Variants in DGKB observed in about 807,000 individuals in gnomAD.
The protein encoded by DGKB is 90 kDa diacylglycerol kinase.
DGKB carries 67 observed loss-of-function variants against 114.3 expected under a neutral mutation model. The observed-to-expected ratio is 0.59, with a 90% confidence interval of 0.48 to 0.72. The LOEUF is 0.72. DGKB is among the 30% of genes least tolerant of loss of function. DGKB has a pLI of 0.00. For missense variants in DGKB, 907 were observed against 975.2 expected, an observed-to-expected ratio of 0.93 and a Z score of 0.93; for synonymous variants, 398 against 323.1, an observed-to-expected ratio of 1.23 and a Z score of -2.49.
intron 23 of DGKB, among the ~76,000 whole-genome samples, chr7:14,206,744 G>T (rs1786889450): frequency 6.6e-6 from 1 of 152,000 alleles, no homozygotes; most frequent in African/African-American, 2.4e-5. Context: ...TTGCTGCAAA[G>T]ATCAAATCAA....
Position 14,694,206 on chromosome 7 carries a change from G to T in DGKB, c.592-12C>A. The T allele has an allele frequency of 1.3e-6, 2 of 1,554,552 alleles. No homozygotes were observed. The highest frequency in any genetic ancestry group is 1.7e-6 in the Non-Finnish European group (2 of 1,148,940). On this transcript the variant is annotated splice_polypyrimidine_tract_variant and intron_variant, in intron 8 of 25. Coordinates refer to ENST00000402815, the MANE Select transcript of DGKB (RefSeq NM_001350709.2). ...ATTTCATGGAGGATCTGGAGTAGAG[G>T]AGATAAGGGAAAATTGGTGGTCAAC...
rs554935438 is a variant in DGKB at position 14,705,409 on chromosome 7, G to T, written c.467-3679C>A. Among the ~76,000 whole-genome samples, 687 of 151,098 alleles carry T rather than the reference G, an allele frequency of 4.5e-3. 1 individual carries two copies. Among genetic ancestry groups the T allele is most frequent in the African/African-American group, 0.016 (640 of 41,166 alleles). ...AAAACACTCTGCAGGATATTATCCAGGAGAACTTCCCCAATCTAGCAAGGC... is the reference window on the plus strand; with the variant it reads ...AAAACACTCTGCAGGATATTATCCATGAGAACTTCCCCAATCTAGCAAGGC... On this transcript the variant is annotated intron_variant, in intron 6 of 25. Transcript: ENST00000402815.
chr7:14,244,385 G>T (rs148964894), intron 23 of DGKB, among the ~76,000 whole-genome samples: 8 of 152,164 alleles, frequency 5.3e-5, no homozygotes, highest in African/African-American at 1.9e-4. Flanking sequence ...GGCCGGGCGC[G>T]GTGGCTCACG....
At chr7:14,288,246 T>G (rs1402885060) in intron 23 of DGKB, among the ~76,000 whole-genome samples, 4 of 140,518 alleles carry the variant, frequency 2.8e-5, no homozygotes, top group East Asian at 2.0e-4. Flanking sequence ...TTTTTTTTTT[T>G]GTTAAAAGAA....
chr7:14,956,964 T>C (rs1448935055), intron 1 of DGKB, among the ~76,000 whole-genome samples: 1 of 151,760 alleles, frequency 6.6e-6, no homozygotes, highest in Non-Finnish European at 1.5e-5. Flanking sequence ...CCTTCACATA[T>C]CCATTGCAGA....
intron 21 of DGKB, among the ~76,000 whole-genome samples, chr7:14,367,897 T>C (rs1192994647): frequency 2.0e-5 from 3 of 152,026 alleles, no homozygotes; most frequent in Non-Finnish European, 4.4e-5. Flanking sequence ...ACCACCAGCA[T>C]GATCCATTCA....
chr7:14,952,921 C>T (rs1251724215), intron 1 of DGKB, among the ~76,000 whole-genome samples: 1 of 151,976 alleles, frequency 6.6e-6, no homozygotes, highest in Non-Finnish European at 1.5e-5. Context: ...ATCACATTTA[C>T]AATTTGTTTC....
intron 21 of DGKB, among the ~76,000 whole-genome samples, chr7:14,453,406 C>T (rs561320450): frequency 6.6e-6 from 1 of 152,224 alleles, no homozygotes; most frequent in East Asian, 1.9e-4. Context: ...TCCAGAGTCT[C>T]TATTCCATGC....
intron 25 of DGKB, among the ~76,000 whole-genome samples, chr7:14,159,893 A>T (rs1171371349): frequency 2.6e-5 from 4 of 152,088 alleles, no homozygotes; most frequent in Non-Finnish European, 5.9e-5. Context: ...GCCATTCTCA[A>T]ACTCCTGATC....
intron 23 of DGKB, among the ~76,000 whole-genome samples, chr7:14,214,316 A>G (rs1205578062): frequency 6.6e-6 from 1 of 152,160 alleles, no homozygotes; most frequent in African/African-American, 2.4e-5. Context: ...TTTCTTGGAT[A>G]TGGCACGCTC....
intron 1 of DGKB, among the ~76,000 whole-genome samples, chr7:14,933,360 A>G (rs1216973816): frequency 6.6e-6 from 1 of 152,152 alleles, no homozygotes; most frequent in Non-Finnish European, 1.5e-5. Flanking sequence ...TCAATCCTTC[A>G]GTTCCTCTCT....
chr7:14,603,643 G>C (rs990403993), intron 17 of DGKB, among the ~76,000 whole-genome samples: 5 of 152,034 alleles, frequency 3.3e-5, no homozygotes, highest in Non-Finnish European at 5.9e-5. Context: ...TAGGTTGACT[G>C]TTGCATTATA....
chr7:14,905,909 C>T (rs138974035), upstream of DGKB, among the ~76,000 whole-genome samples: 24 of 152,232 alleles, frequency 1.6e-4, no homozygotes, highest in Non-Finnish European at 2.6e-4. Context: ...GAATTCTTTT[C>T]GTCTTTTTTC....
At chr7:14,840,068 C>T (rs1453908503) in intron 2 of DGKB, among the ~76,000 whole-genome samples, 1 of 152,158 alleles carries the variant, frequency 6.6e-6, no homozygotes, top group Non-Finnish European at 1.5e-5. Context: ...TCTTCATGTT[C>T]TAAGTCCCTA....
intron 21 of DGKB, among the ~76,000 whole-genome samples, chr7:14,458,097 A>G (rs772583976): frequency 6.6e-6 from 1 of 152,098 alleles, no homozygotes; most frequent in Non-Finnish European, 1.5e-5. Flanking sequence ...TGCTCTAAAG[A>G]TTCTTTCTCT....
chr7:14,571,692 G>T (rs1368402632), intron 20 of DGKB, among the ~76,000 whole-genome samples: 1 of 152,154 alleles, frequency 6.6e-6, no homozygotes, highest in East Asian at 1.9e-4. Context: ...CGAAAGAAAG[G>T]CCAGATTATA....
At chr7:14,910,180 G>A (rs1377331221) in intron 1 of DGKB, among the ~76,000 whole-genome samples, 1 of 151,532 alleles carries the variant, frequency 6.6e-6, no homozygotes, top group African/African-American at 2.4e-5. Context: ...GGCAGAGGTT[G>A]CAGTGATCCG....
chr7:14,837,724 G>C (rs1374842234), intron 2 of DGKB, among the ~76,000 whole-genome samples: 1 of 152,084 alleles, frequency 6.6e-6, no homozygotes, highest in Non-Finnish European at 1.5e-5. Flanking sequence ...CCGATAAACT[G>C]ATCATGCATA....
At chr7:14,674,949 G>C (rs1378837861) in intron 12 of DGKB, among the ~76,000 whole-genome samples, 1 of 152,020 alleles carries the variant, frequency 6.6e-6, no homozygotes, top group Admixed American at 6.6e-5. Flanking sequence ...TGTTACAGCA[G>C]CCCTAGGAAA....
Sources: gnomAD v4.1 joint callset for allele counts (sites outside exome capture counted in the v4.1 genomes callset) on GRCh38, gnomAD v4.1.1 for gene constraint, MANE v1.5 for transcripts, NCBI Gene and HGNC (gene_info 2026-07-23, HGNC 2026-07-21) for gene names.